The following BICRAL variants were observed in gnomAD, a reference collection of about 807,000 sequenced individuals.
The protein encoded by BICRAL is BICRA like chromatin remodeling complex associated protein.
A neutral mutation model predicts 91.8 loss-of-function variants in BICRAL; 8 were observed. The observed-to-expected ratio is 0.09, with a 90% CI of 0.05 to 0.16. The LOEUF (loss-of-function observed/expected upper bound fraction) is 0.16, where lower values mean the gene tolerates loss of function less well. Among genes scored for constraint, BICRAL ranks in the 10% least tolerant of loss-of-function variants. The probability of loss-of-function intolerance (pLI) is 1.00; values close to 1 mark genes in which losing one functional copy is unlikely to be tolerated. For missense variants in BICRAL, 1,038 were observed against 1,310.9 expected (o/e 0.79, Z 3.21); for synonymous variants, 445 against 491.1 (o/e 0.91, Z 1.24).
intron 2 of BICRAL, among the ~76,000 whole-genome samples, chr6:42,814,447 A>AT (rs1554278800): frequency 7.0e-6 from 1 of 142,724 alleles, no homozygotes; most frequent in African/African-American, 2.6e-5. Context: ...ATGTATGTAT[A>AT]TGTATATATA....
rs768645624 is a variant in BICRAL at position 42,786,071 on chromosome 6, GTGATGAA to G, written c.-102+3972_-102+3978del. Among the ~76,000 whole-genome samples, 55 of 152,178 alleles carry G rather than the reference GTGATGAA, an allele frequency of 3.6e-4. 1 individual carries two copies. The highest frequency in any genetic ancestry group is 2.2e-4 in the Non-Finnish European group (15 of 68,040). ...GGTCAGGAAGAAGCATCTAGAGCAGGTGATGAATAGATGACCTTACTAAAATGAGAAA... is the reference window on the plus strand; with the variant it reads ...GGTCAGGAAGAAGCATCTAGAGCAGGTAGATGACCTTACTAAAATGAGAAA... On this transcript the variant is annotated intron_variant, in intron 1 of 12. Coordinates refer to ENST00000314073, the MANE Select transcript of BICRAL (RefSeq NM_001393499.1).
chr6:42,827,545 G>A (rs1273729796), intron 5 of BICRAL, among the ~76,000 whole-genome samples: 3 of 152,112 alleles, frequency 2.0e-5, no homozygotes, highest in African/African-American at 7.2e-5. Context: ...TGTATTTATT[G>A]GCAACTATTT....
chr6:42,760,894 C>T (rs928336043), intron 1 of BICRAL, among the ~76,000 whole-genome samples: 5 of 152,056 alleles, frequency 3.3e-5, no homozygotes, highest in Admixed American at 2.6e-4. Flanking sequence ...TGCTGGCTGG[C>T]GCCTGTAATC....
rs144949125 is a variant in BICRAL at position 42,772,769 on chromosome 6, C to T, written c.-260-9070C>T. Among the ~76,000 whole-genome samples, 468 of 152,122 alleles carry T rather than the reference C, an allele frequency of 3.1e-3. 1 individual carries two copies. Among genetic ancestry groups the T allele is most frequent in the African/African-American group, 9.2e-3 (382 of 41,496 alleles). On this transcript the variant is annotated intron_variant, in intron 1 of 14. Transcript: ENST00000614467. ...GATAGGAGATCAATGGGAGGCCAAG[C>T]AATAGGCGGACCTGAATTCAGGTGA...
At chr6:42,843,426 C>T (rs1425013996) in intron 6 of BICRAL, among the ~76,000 whole-genome samples, 4 of 152,116 alleles carry the variant, frequency 2.6e-5, no homozygotes, top group South Asian at 2.1e-4. Context: ...GAGCACAAAC[C>T]ATGTAGGTCT....
In BICRAL at chr6:42,842,474, C is replaced by G. The variant is rs566060594; in HGVS notation, c.1840-9618C>G. Among the ~76,000 whole-genome samples, 6 of 152,312 alleles carry G rather than the reference C, an allele frequency of 3.9e-5. No individual in the cohort carries two copies. In the South Asian group the frequency reaches 1.0e-3, roughly 26 times the overall value. On this transcript the variant is annotated intron_variant, in intron 6 of 12. Coordinates refer to ENST00000314073, the MANE Select transcript of BICRAL (RefSeq NM_001393499.1). ...AATCTCCGACCTGGCAGTCAGGGTT[C>G]TCTAGTCAGAAACCCTCCACTTCCA...
intron 1 of BICRAL, among the ~76,000 whole-genome samples, chr6:42,767,082 G>T (rs995816949): frequency 6.6e-6 from 1 of 151,812 alleles, no homozygotes; most frequent in Non-Finnish European, 1.5e-5. Context: ...AACCTGGGAG[G>T]CAGAGGTTGT....
At chr6:42,781,465 TA>T (rs1053833667), upstream of BICRAL, among the ~76,000 whole-genome samples, 7 of 151,964 alleles carry the variant, frequency 4.6e-5, no homozygotes, top group African/African-American at 1.5e-4. Context: ...TTTTGGTTTT[TA>T]AAAAGCATAT....
chr6:42,849,646 A>G (rs1227848750), intron 6 of BICRAL, among the ~76,000 whole-genome samples: 1 of 151,480 alleles, frequency 6.6e-6, no homozygotes, highest in African/African-American at 2.4e-5. Context: ...TCACCGAGTT[A>G]GCCAGGATTG....
chr6:42,849,274 T>C (rs1346248607), intron 6 of BICRAL, among the ~76,000 whole-genome samples: 2 of 152,082 alleles, frequency 1.3e-5, no homozygotes, highest in Non-Finnish European at 2.9e-5. Flanking sequence ...TTTGTAGAGA[T>C]GAGGTCTCCC....
chr6:42,792,449 T>TA (rs70990139), intron 1 of BICRAL, among the ~76,000 whole-genome samples: 1 of 150,916 alleles, frequency 6.6e-6, no homozygotes, highest in Non-Finnish European at 1.5e-5. Flanking sequence ...TTTTTTTTTT[T>TA]AAATGTAGAG....
At chr6:42,818,415 A>C (rs915702451) in intron 2 of BICRAL, among the ~76,000 whole-genome samples, 3 of 152,160 alleles carry the variant, frequency 2.0e-5, no homozygotes, top group Non-Finnish European at 4.4e-5. Context: ...GCCCTGATAA[A>C]AAATTTTCCT....
chr6:42,790,706 T>C (rs1763246472), intron 1 of BICRAL, among the ~76,000 whole-genome samples: 1 of 152,108 alleles, frequency 6.6e-6, no homozygotes, highest in Non-Finnish European at 1.5e-5. Flanking sequence ...CTGAGAAAGA[T>C]AGCTTTGAGT....
chr6:42,783,427 G>A (rs1349379718), intron 1 of BICRAL, among the ~76,000 whole-genome samples: 1 of 152,320 alleles, frequency 6.6e-6, no homozygotes, highest in East Asian at 1.9e-4. Context: ...CGGGATATTG[G>A]GTGGGGGGGT....
At chr6:42,822,317 T>A (rs1247080965) in intron 3 of BICRAL, among the ~76,000 whole-genome samples, 1 of 151,634 alleles carries the variant, frequency 6.6e-6, no homozygotes, top group African/African-American at 2.4e-5. Context: ...CTCAGCTCAC[T>A]GTAGCCTCCA....
rs757258608 is a variant in BICRAL, at chr6:42,828,511, T to C, written c.178T>C (p.Ser60Pro). ...ANSSNADPKSSLKGVSNQLGE... is the reference protein window; with the variant it reads ...ANSSNADPKSPLKGVSNQLGE... ...TTTTTAGAATGCTGATCCTAAGTCA[T>C]CCCTCAAAGGTGTAAGCAACCAGCT... Residue 60 changes from serine (S) to proline (P), a missense_variant, in exon 6 of 13, where the codon TCC becomes CCC. Ser to Pro is a moderately conservative substitution (Grantham distance 74). Coordinates refer to ENST00000314073, the MANE Select transcript of BICRAL (RefSeq NM_001393499.1). 5.0e-6 allele frequency: 8 copies of C among 1,612,256 alleles called. No homozygotes were observed. In the Admixed American group the frequency reaches 5.0e-5, roughly 10 times the overall value.
Position 42,751,651 on chromosome 6 carries a change from T to C in BICRAL, c.-261+4628T>C, listed in dbSNP as rs577218756. ...AAATAAAAGGACCCTTTTTCTTTCT[T>C]TTCTTTTTTTTTTTTTTTTTTTTGA... On this transcript the variant is annotated intron_variant, in intron 1 of 14. Coordinates refer to the BICRAL transcript ENST00000614467. Among the ~76,000 whole-genome samples the C allele has an allele frequency of 4.7e-3, 671 of 143,028 alleles. 4 individuals carry two copies. Among genetic ancestry groups the C allele is most frequent in the African/African-American group, 0.017 (645 of 38,578 alleles). 93.8% of individuals were successfully genotyped at this position (143,028 alleles called of 152,430 possible).
intron 6 of BICRAL, among the ~76,000 whole-genome samples, chr6:42,847,735 C>T (rs1765057391): frequency 6.6e-6 from 1 of 151,414 alleles, no homozygotes; most frequent in Non-Finnish European, 1.5e-5. Flanking sequence ...CCATCCTGAC[C>T]AACATGGTGA....
At position 42,829,413 on chromosome 6, in the gene BICRAL, T is replaced by A. The variant is rs1157312076; in HGVS notation, c.1080T>A (p.Ser360=). 15 of 1,614,082 alleles carry A rather than the reference T, an allele frequency of 9.3e-6. No individual in the cohort carries two copies. The stretch of plus-strand genomic sequence containing the variant: ...GCTCAGTAGTTGGTCCACACATGTC[T>A]GTGAACATTGTAAACCAACAGAACA... ...PQGSVVGPHM[S]VNIVNQQNTR... is the part of the protein sequence containing the mutation. Residue 360 remains serine, a synonymous_variant, in exon 6 of 13, where the codon TCT becomes TCA. Transcript: ENST00000314073.
Sources: allele counts gnomAD v4.1 joint callset (sites outside exome capture counted in the v4.1 genomes callset), GRCh38; gene constraint gnomAD v4.1.1; transcripts MANE v1.5; gene names NCBI Gene and HGNC (gene_info 2026-07-23, HGNC 2026-07-21).